The following AGK variants were observed in gnomAD, a reference collection of about 807,000 sequenced individuals.
AGK encodes the protein acylglycerol kinase, mitochondrial.
A neutral mutation model predicts 66.4 loss-of-function variants in AGK; 52 were observed. The ratio of observed to expected loss-of-function variants is 0.78; its 90% confidence interval spans 0.63 to 0.99. The LOEUF (loss-of-function observed/expected upper bound fraction) is 0.99. Ranked by LOEUF, AGK falls within the 50% of genes least tolerant of loss-of-function variation. The pLI is 0.00. For missense variants in AGK, 451 were observed against 506.6 expected, an observed-to-expected ratio of 0.89 and a Z score of 1.05; for synonymous variants, 182 against 181.1, an observed-to-expected ratio of 1.00 and a Z score of -0.04.
intron 2 of AGK, among the ~76,000 whole-genome samples, chr7:141,561,396 G>A (rs1289321574): frequency 6.6e-6 from 1 of 152,130 alleles, no homozygotes; most frequent in Admixed American, 6.5e-5. Flanking sequence ...AGCAGCGTAA[G>A]TGTTCCCTTT....
intron 2 of AGK, among the ~76,000 whole-genome samples, chr7:141,579,847 T>C (rs111228196): frequency 0.033 from 5,001 of 151,866 alleles, 338 homozygotes; most frequent in African/African-American, 0.12. Flanking sequence ...TTGCCTTGTG[T>C]GGGAAGAGAT....
intron 11 of AGK, among the ~76,000 whole-genome samples, chr7:141,637,684 A>G (rs1284501503): frequency 1.3e-5 from 2 of 152,206 alleles, no homozygotes; most frequent in African/African-American, 2.4e-5. Flanking sequence ...TAGTTTGGCC[A>G]ATCTGAAAAT....
intron 5 of AGK, among the ~76,000 whole-genome samples, chr7:141,605,377 A>G (rs1022067881): frequency 6.6e-6 from 1 of 152,130 alleles, no homozygotes; most frequent in Non-Finnish European, 1.5e-5. Context: ...GTGGTTCTGT[A>G]CTAGATTCAC....
At chr7:141,650,486 G>C in intron 14 of AGK, 1 of 985,336 alleles carries the variant, frequency 1.0e-6, no homozygotes, top group Non-Finnish European at 1.2e-6. Context: ...GTGAAATCAA[G>C]TAATGTCTGT....
At chr7:141,634,101 TTA>T in intron 10 of AGK, 121 bp downstream of exon 10, 1 of 821,862 alleles carries the variant, frequency 1.2e-6, no homozygotes, top group South Asian at 1.4e-5. Context: ...GGAGGTTGAA[TTA>T]TGTGTGAATA....
intron 10 of AGK, among the ~76,000 whole-genome samples, chr7:141,635,277 G>A (rs1797146283): frequency 6.6e-6 from 1 of 152,122 alleles, no homozygotes; most frequent in Non-Finnish European, 1.5e-5. Context: ...TTTGTATTAA[G>A]AAAGAAATGG....
intron 13 of AGK, among the ~76,000 whole-genome samples, chr7:141,647,296 GCTCT>G (rs1251305977): frequency 6.6e-6 from 1 of 152,138 alleles, no homozygotes; most frequent in Non-Finnish European, 1.5e-5. Context: ...CCCTCCAGTG[GCTCT>G]CTGATTCATT....
chr7:141,616,709 T>C (rs1482078091), intron 8 of AGK, among the ~76,000 whole-genome samples: 2 of 152,054 alleles, frequency 1.3e-5, no homozygotes, highest in Admixed American at 1.3e-4. Flanking sequence ...CCTGAGGGCC[T>C]AACTACAGGA....
At chr7:141,589,597 G>C (rs1042604232) in intron 2 of AGK, among the ~76,000 whole-genome samples, 2 of 149,088 alleles carry the variant, frequency 1.3e-5, no homozygotes, top group African/African-American at 5.0e-5. Flanking sequence ...TTTCGCTCTT[G>C]TTGCCCAGGC....
intron 2 of AGK, among the ~76,000 whole-genome samples, chr7:141,591,309 T>G (rs761263725): frequency 2.6e-5 from 4 of 152,004 alleles, no homozygotes; most frequent in Admixed American, 6.6e-5. Flanking sequence ...GCCAGGCTGG[T>G]CACGAACTCC....
intron 13 of AGK, chr7:141,649,029 TAAA>T: frequency 3.3e-6 from 1 of 302,746 alleles, no homozygotes; most frequent in Non-Finnish European, 5.6e-6. Context: ...GCTTATGTAG[TAAA>T]AAAAAAAGCC....
Position 141,555,893 on chromosome 7 carries a change from G to C in AGK, c.101+326G>C, listed in dbSNP as rs1448844625. 6.6e-6 allele frequency among the ~76,000 whole-genome samples: 1 copy of C among 152,180 alleles called. No homozygotes were observed. Among genetic ancestry groups the C allele is most frequent in the African/African-American group, 2.4e-5 (1 of 41,444 alleles). On this transcript the variant is annotated intron_variant, in intron 2 of 15. Transcript: ENST00000649286. The surrounding 1 kb of genome is among the most constrained non-coding windows in gnomAD (Gnocchi z 4.2). ...TTAGTAGTGTGAACCCCCAAAATCT[G>C]AGACAGGTCTTAGTCAATTTAGTAA... is the stretch of plus-strand genomic sequence containing the variant.
intron 2 of AGK, among the ~76,000 whole-genome samples, chr7:141,579,399 A>G (rs1033376497): frequency 3.3e-5 from 5 of 151,970 alleles, no homozygotes; most frequent in Non-Finnish European, 7.4e-5. Context: ...ATTGGACTGT[A>G]TAGAGGTGGG....
At chr7:141,604,343 T>C (rs578089808) in intron 5 of AGK, among the ~76,000 whole-genome samples, 6 of 146,742 alleles carry the variant, frequency 4.1e-5, no homozygotes, top group Non-Finnish European at 9.0e-5. Context: ...TACATGTATG[T>C]GTGTGCATAT....
chr7:141,643,137 G>A (rs1394664945), intron 13 of AGK, among the ~76,000 whole-genome samples: 2 of 152,274 alleles, frequency 1.3e-5, no homozygotes, highest in East Asian at 3.9e-4. Flanking sequence ...TCAGAGTATT[G>A]AGATGTTTTC....
intron 6 of AGK, 42 bp downstream of exon 6, chr7:141,611,329 A>G: frequency 1.4e-6 from 2 of 1,447,604 alleles, no homozygotes; most frequent in Non-Finnish European, 1.9e-6. Flanking sequence ...GAAGGTGAGA[A>G]AAATGGAAAT....
At chr7:141,586,004 T>C (rs891719659) in intron 2 of AGK, among the ~76,000 whole-genome samples, 1 of 152,186 alleles carries the variant, frequency 6.6e-6, no homozygotes, top group Non-Finnish European at 1.5e-5. Flanking sequence ...TTATAGAGTG[T>C]ACTTTTTTTT....
At chr7:141,621,616 G>C in intron 8 of AGK, 116 bp from the exon 9 acceptor site, 3 of 714,980 alleles carry the variant, frequency 4.2e-6, no homozygotes, top group Non-Finnish European at 7.4e-6. Flanking sequence ...GAGGGAGAGA[G>C]AGAGAATGAG....
intron 2 of AGK, among the ~76,000 whole-genome samples, chr7:141,558,840 T>C (rs928540823): frequency 6.6e-6 from 1 of 152,200 alleles, no homozygotes; most frequent in Non-Finnish European, 1.5e-5. Context: ...TGAGGTGATA[T>C]GTCATTGTGG....
Sources: gnomAD v4.1 joint callset for allele counts (sites outside exome capture counted in the v4.1 genomes callset) on GRCh38, gnomAD v4.1.1 for gene constraint, Gnocchi (gnomAD v3.1) non-coding constraint, MANE v1.5 for transcripts, NCBI Gene and HGNC (gene_info 2026-07-23, HGNC 2026-07-21) for gene names.